Variants in DENND4C observed in about 807,000 individuals in gnomAD.
DENND4C encodes the protein DENN domain containing 4C, also known as DENN domain-containing protein 4C.
Under a neutral mutation model 203.0 loss-of-function variants are expected in DENND4C, and 108 were observed. That is an observed-to-expected ratio of 0.53 (90% CI 0.46 to 0.62). DENND4C has a LOEUF of 0.62. DENND4C is among the 20% of genes least tolerant of loss of function. DENND4C has a pLI of 0.00. For missense variants in DENND4C, 2,481 were observed against 2,301.2 expected (o/e 1.08, Z -1.60); for synonymous variants, 871 against 792.4 (o/e 1.10, Z -1.67).
Position 19,336,801 on chromosome 9 carries a change from G to T in DENND4C, c.2850G>T (p.Arg950Ser). The T allele has an allele frequency of 6.4e-7, 1 of 1,550,592 alleles. No individual in the cohort carries two copies. Among genetic ancestry groups the T allele is most frequent in the African/African-American group, 1.4e-5 (1 of 73,116 alleles). ...CAGTCTTCGTCAGAGATTTAATCAG[G>T]CTTGAGTCCATTGATAATCACTCTA... ...EHTVFVRDLI[R>S]LESIDNHSST... Residue 950 changes from arginine to serine, a missense_variant, in exon 20 of 33, where the codon AGG becomes AGT. Coordinates refer to ENST00000434457, the MANE Select transcript of DENND4C (RefSeq NM_001330640.2).
chr9:19,364,900 A>G (rs1280683479), intron 30 of DENND4C, among the ~76,000 whole-genome samples: 1 of 151,800 alleles, frequency 6.6e-6, no homozygotes, highest in African/African-American at 2.4e-5. Flanking sequence ...CTCAAAAAAC[A>G]AAAAGAAAAC....
intron 22 of DENND4C, among the ~76,000 whole-genome samples, chr9:19,343,991 A>G (rs1269629533): frequency 6.6e-6 from 1 of 152,242 alleles, no homozygotes; most frequent in Non-Finnish European, 1.5e-5. Context: ...GCAGGTACAT[A>G]TTTTGAGTTG....
At chr9:19,248,666 A>C (rs979646452) in intron 1 of DENND4C, among the ~76,000 whole-genome samples, 1 of 152,178 alleles carries the variant, frequency 6.6e-6, no homozygotes, top group African/African-American at 2.4e-5. Context: ...CTGGGATTAC[A>C]GGTGTGTGCC....
At chr9:19,336,660 T>G (rs1193452017) in intron 19 of DENND4C, 26 bp from the exon 20 acceptor site, 1 of 1,544,410 alleles carries the variant, frequency 6.5e-7, no homozygotes, top group South Asian at 1.2e-5. Context: ...CATGAGTTAT[T>G]GAACTGCTAT....
intron 9 of DENND4C, among the ~76,000 whole-genome samples, chr9:19,303,410 G>A (rs1839000751): frequency 6.6e-6 from 1 of 152,134 alleles, no homozygotes; most frequent in South Asian, 2.1e-4. Flanking sequence ...TTGGAACACA[G>A]GCCATTTATT....
rs541773713 is a variant in DENND4C at position 19,335,811 on chromosome 9, A to G, written c.2590-459A>G. On this transcript the variant is annotated intron_variant, in intron 18 of 32. Coordinates refer to ENST00000434457, the MANE Select transcript of DENND4C (RefSeq NM_001330640.2). ...GTTGGTTATTGTGAATAATGCTGCAATAAACATGGGAGTACAGATCTCTCT... is the reference window on the plus strand; with the variant it reads ...GTTGGTTATTGTGAATAATGCTGCAGTAAACATGGGAGTACAGATCTCTCT... Among the ~76,000 whole-genome samples, 38 of 152,338 alleles carry G rather than the reference A, an allele frequency of 2.5e-4. 1 individual carries two copies. Among genetic ancestry groups the G allele is most frequent in the Admixed American group, 1.0e-3 (16 of 15,298 alleles).
At chr9:19,241,818 G>A (rs1823809525) in intron 1 of DENND4C, among the ~76,000 whole-genome samples, 1 of 151,852 alleles carries the variant, frequency 6.6e-6, no homozygotes, top group South Asian at 2.1e-4. Context: ...AGGAGATTGG[G>A]ACCAGCCTGG....
rs55934794 is a variant in DENND4C, at chr9:19,282,559, T to TAAAAAA, written c.306-4199_306-4194dup. 8.0e-3 allele frequency among the ~76,000 whole-genome samples: 1,102 copies of TAAAAAA among 137,174 alleles called. 13 individuals carry two copies. The highest frequency in any genetic ancestry group is 0.011 in the Non-Finnish European group (692 of 64,582). The allele number at this position is 137,174 out of a possible 152,430, so 90.0% of individuals were successfully genotyped here. On this transcript the variant is annotated intron_variant, in intron 2 of 32. Coordinates refer to ENST00000434457, the MANE Select transcript of DENND4C (RefSeq NM_001330640.2). ...ATGTGCCACCACGCCTGGCAAAAAT[T>TAAAAAA]AAAAAAAAAAAAAAAATAATGGGGT...
chr9:19,275,892 C>G (rs1471646546), intron 1 of DENND4C, among the ~76,000 whole-genome samples: 2 of 152,174 alleles, frequency 1.3e-5, no homozygotes, highest in African/African-American at 2.4e-5. Context: ...CAGGCATGAG[C>G]CATCGCGCCC....
intron 1 of DENND4C, among the ~76,000 whole-genome samples, chr9:19,255,069 C>T (rs532297027): frequency 5.1e-4 from 77 of 152,050 alleles, no homozygotes; most frequent in South Asian, 1.7e-3. Context: ...ACTTGAACCC[C>T]GCTGGGGTGG....
intron 10 of DENND4C, among the ~76,000 whole-genome samples, chr9:19,315,823 A>C (rs146108976): frequency 0.02 from 3,066 of 151,894 alleles, 55 homozygotes; most frequent in Non-Finnish European, 0.025. Context: ...CTTCTGCCTC[A>C]GCCTCCTGAG....
rs989681696 is a variant in DENND4C at position 19,307,869 on chromosome 9, G to C, written c.1487+2342G>C. Among the ~76,000 whole-genome samples the C allele has an allele frequency of 3.3e-5, 5 of 151,650 alleles. No individual in the cohort carries two copies. In the East Asian group the frequency reaches 9.7e-4, roughly 29 times the overall value. ...TCCTTTCTCCCAGAGAGGAGCTCCA[G>C]ATCCAACCATCATCTTGGATAAACT... On this transcript the variant is annotated intron_variant, in intron 10 of 32. Transcript: ENST00000434457.
At chr9:19,327,712 T>A (rs1041026356) in intron 15 of DENND4C, among the ~76,000 whole-genome samples, 1 of 151,870 alleles carries the variant, frequency 6.6e-6, no homozygotes, top group Non-Finnish European at 1.5e-5. Flanking sequence ...TATACTAAAA[T>A]TTTTTTAAAC....
intron 26 of DENND4C, 82 bp downstream of exon 26, chr9:19,352,747 A>G: frequency 8.8e-7 from 1 of 1,141,362 alleles, no homozygotes; most frequent in Non-Finnish European, 1.2e-6. Flanking sequence ...TATTCCTGGT[A>G]TGCTCCAGGT....
At chr9:19,303,655 T>A (rs796802753) in intron 9 of DENND4C, among the ~76,000 whole-genome samples, 78 of 152,260 alleles carry the variant, frequency 5.1e-4, no homozygotes, top group African/African-American at 1.8e-3. Flanking sequence ...AGTAAATAAA[T>A]GTTTGAAGAC....
chr9:19,346,669 T>C lies in DENND4C; in HGVS notation c.3900T>C (p.Ser1300=), dbSNP rs141167520. Residue 1300 remains serine, a synonymous_variant, in exon 23 of 33, where the codon TCT becomes TCC. Transcript: ENST00000434457. ...NLKSPLGSKS[S]SMELHREENR... is the part of the protein sequence containing the mutation. ...AAAGTCCCCTAGGTAGTAAATCTTC[T>C]AGTATGGAATTACACAGAGAGGAAA... The C allele has an allele frequency of 1.2e-6, 2 of 1,614,186 alleles. No individual in the cohort carries two copies. The highest frequency in any genetic ancestry group is 2.7e-5 in the African/African-American group (2 of 75,054).
intron 5 of DENND4C, 39 bp downstream of exon 5, chr9:19,290,915 T>C (rs983459068): frequency 7.7e-6 from 12 of 1,567,120 alleles, no homozygotes; most frequent in Admixed American, 1.8e-5. Context: ...ATTTTGTCCA[T>C]GTTTTTATTT....
In DENND4C at chr9:19,358,492, C is replaced by T. The variant is rs1442067843; in HGVS notation, c.5160+332C>T. ...TTAGTAAATATTTCAGTATGTATCC[C>T]TGAATGATGAGGACTTTAGAAAAAT... On this transcript the variant is annotated intron_variant, in intron 28 of 32. Coordinates refer to ENST00000434457, the MANE Select transcript of DENND4C (RefSeq NM_001330640.2). This position sits in a 1 kb window ranked among gnomAD's most constrained non-coding sequence, Gnocchi z 4.8. Among the ~76,000 whole-genome samples the T allele has an allele frequency of 1.3e-5, 2 of 148,844 alleles. No individual in the cohort carries two copies. Among genetic ancestry groups the T allele is most frequent in the East Asian group, 1.9e-4 (1 of 5,190 alleles).
chr9:19,250,220 A>G (rs1219713247), intron 1 of DENND4C, among the ~76,000 whole-genome samples: 1 of 152,104 alleles, frequency 6.6e-6, no homozygotes, highest in African/African-American at 2.4e-5. Context: ...AGGCGGGTAG[A>G]TCACCTGAGG....
Sources: gnomAD v4.1 joint callset for allele counts (sites outside exome capture counted in the v4.1 genomes callset) on GRCh38, gnomAD v4.1.1 for gene constraint, Gnocchi (gnomAD v3.1) non-coding constraint, MANE v1.5 for transcripts, NCBI Gene and HGNC (gene_info 2026-07-23, HGNC 2026-07-21) for gene names.